Variants in NLGN1 observed in about 807,000 individuals in gnomAD.
NLGN1 encodes the protein neuroligin-1.
NLGN1 carries 12 observed loss-of-function variants against 65.5 expected under a neutral mutation model. The observed-to-expected ratio is 0.18, with a 90% CI of 0.12 to 0.30. The LOEUF (loss-of-function observed/expected upper bound fraction) is 0.30, where lower values mean the gene tolerates loss of function less well. NLGN1 is among the 10% of genes least tolerant of loss of function. The probability of loss-of-function intolerance (pLI) is 1.00; values close to 1 mark genes in which losing one functional copy is unlikely to be tolerated. For synonymous variants in NLGN1, 350 were observed against 359.5 expected, an observed-to-expected ratio of 0.97 and a Z score of 0.30; for missense variants, 750 against 1,007.1, an observed-to-expected ratio of 0.74 and a Z score of 3.46.
upstream of NLGN1, among the ~76,000 whole-genome samples, chr3:173,398,291 T>G (rs1044967658): frequency 6.6e-6 from 1 of 152,136 alleles, no homozygotes; most frequent in African/African-American, 2.4e-5. Flanking sequence ...AAAGTTGCTC[T>G]TCTTCCCCAC....
intron 2 of NLGN1, among the ~76,000 whole-genome samples, chr3:173,559,196 C>T (rs76850473): frequency 0.018 from 2,723 of 152,266 alleles, 35 homozygotes; most frequent in Middle Eastern, 0.031. Context: ...TGTGATTTCT[C>T]TCAATTTTCG....
chr3:173,851,438 G>T (rs898445769), intron 4 of NLGN1, among the ~76,000 whole-genome samples: 2 of 151,926 alleles, frequency 1.3e-5, no homozygotes, highest in African/African-American at 4.8e-5. Context: ...CTTTTTTGAG[G>T]AACATTTGAC....
intron 4 of NLGN1, among the ~76,000 whole-genome samples, chr3:173,855,426 TAAC>T (rs1727769395): frequency 6.6e-6 from 1 of 152,064 alleles, no homozygotes; most frequent in African/African-American, 2.4e-5. Flanking sequence ...AATCAACTAA[TAAC>T]AAAATGGTCT....
intron 4 of NLGN1, among the ~76,000 whole-genome samples, chr3:174,045,384 T>A (rs1350683900): frequency 6.6e-6 from 1 of 152,040 alleles, no homozygotes; most frequent in Non-Finnish European, 1.5e-5. Context: ...AAGCCCCTCA[T>A]AAAACCATCA....
intron 4 of NLGN1, among the ~76,000 whole-genome samples, chr3:174,247,128 A>G (rs904160738): frequency 2.0e-5 from 3 of 152,204 alleles, no homozygotes; most frequent in Non-Finnish European, 4.4e-5. Flanking sequence ...AAGACTGTGC[A>G]TGCCTCTTCA....
chr3:173,669,228 G>A (rs1263771617), intron 3 of NLGN1, among the ~76,000 whole-genome samples: 2 of 152,178 alleles, frequency 1.3e-5, no homozygotes, highest in African/African-American at 2.4e-5. Flanking sequence ...TATTGGGTGT[G>A]TAGAGGGCAA....
At chr3:174,195,941 CTT>C (rs1384949706) in intron 4 of NLGN1, among the ~76,000 whole-genome samples, 1 of 152,140 alleles carries the variant, frequency 6.6e-6, no homozygotes, top group Non-Finnish European at 1.5e-5. Flanking sequence ...AAACGTAACT[CTT>C]AGGCATCAGT....
At chr3:174,292,814 GGATA>G in the NLGN1 span, among the ~76,000 whole-genome samples, 1 of 151,336 alleles carries the variant, frequency 6.6e-6, no homozygotes, top group Non-Finnish European at 1.5e-5. Flanking sequence ...TGTGTCTCCT[GGATA>G]GATGTACACA....
intron 4 of NLGN1, among the ~76,000 whole-genome samples, chr3:174,088,261 A>C (rs1184052578): frequency 6.6e-6 from 1 of 152,288 alleles, no homozygotes; most frequent in South Asian, 2.1e-4. Context: ...AGAAGGCAAT[A>C]AGGTTCAGAA....
Position 173,584,288 on chromosome 3 carries a change from T to G in NLGN1, c.-320-19991T>G, listed in dbSNP as rs376108296. On this transcript the variant is annotated intron_variant, in intron 2 of 6. Transcript: ENST00000457714. ...GAGGAGAGGGGATGGGAAAAAAAAG[T>G]GAGATCCCTGCAATATCGCCTGGAG... 3.4e-5 allele frequency among the ~76,000 whole-genome samples: 5 copies of G among 148,460 alleles called. No individual in the cohort carries two copies. The East Asian group carries it at 9.9e-4, about 29-fold the overall frequency.
chr3:174,107,187 C>G (rs1714129868), intron 4 of NLGN1, among the ~76,000 whole-genome samples: 1 of 152,016 alleles, frequency 6.6e-6, no homozygotes, highest in African/African-American at 2.4e-5. Flanking sequence ...GCATCACAGC[C>G]AGGATATTGA....
intron 4 of NLGN1, among the ~76,000 whole-genome samples, chr3:173,979,115 G>T (rs540768274): frequency 6.6e-6 from 1 of 152,156 alleles, no homozygotes; most frequent in South Asian, 2.1e-4. Context: ...GGACAAAGGA[G>T]GTAAGTAGTG....
chr3:174,042,424 A>G (rs2152490943), intron 4 of NLGN1, among the ~76,000 whole-genome samples: 1 of 152,258 alleles, frequency 6.6e-6, no homozygotes, highest in East Asian at 1.9e-4. Flanking sequence ...ATTTTTTACC[A>G]TGTGGATATC....
intron 3 of NLGN1, among the ~76,000 whole-genome samples, chr3:173,706,824 C>G (rs185346083): frequency 6.6e-6 from 1 of 152,230 alleles, no homozygotes; most frequent in Non-Finnish European, 1.5e-5. Context: ...CACACGCCCA[C>G]GCGTGCACGC....
intron 3 of NLGN1, among the ~76,000 whole-genome samples, chr3:173,719,566 A>T (rs1319802717): frequency 6.6e-6 from 1 of 152,284 alleles, no homozygotes; most frequent in East Asian, 1.9e-4. Context: ...CGTGTTGCAT[A>T]GTGGAATTAA....
chr3:174,201,185 G>A (rs950553146), intron 4 of NLGN1, among the ~76,000 whole-genome samples: 2 of 151,826 alleles, frequency 1.3e-5, no homozygotes, highest in African/African-American at 2.4e-5. Flanking sequence ...TGAGGCTGCA[G>A]TGAACTGTGA....
chr3:173,819,794 G>A (rs977211633), intron 4 of NLGN1, among the ~76,000 whole-genome samples: 2 of 152,172 alleles, frequency 1.3e-5, no homozygotes, highest in African/African-American at 4.8e-5. Context: ...ACAACAGACT[G>A]CTCTGCATAC....
chr3:173,718,520 T>C (rs1051740365), intron 3 of NLGN1, among the ~76,000 whole-genome samples: 1 of 152,166 alleles, frequency 6.6e-6, no homozygotes, highest in African/African-American at 2.4e-5. Context: ...TGAGTTTCAG[T>C]TTGTAAAACA....
intron 3 of NLGN1, among the ~76,000 whole-genome samples, chr3:173,722,766 A>AACATTAAT (rs1235581202): frequency 1.3e-5 from 2 of 152,208 alleles, no homozygotes; most frequent in Non-Finnish European, 1.5e-5. Context: ...CATTAATGAT[A>AACATTAAT]ATGTTAATAT....
Sources: allele counts gnomAD v4.1 joint callset (sites outside exome capture counted in the v4.1 genomes callset), GRCh38; gene constraint gnomAD v4.1.1; transcripts MANE v1.5; gene names NCBI Gene and HGNC (gene_info 2026-07-23, HGNC 2026-07-21).